Variants in RASAL1 observed in about 807,000 individuals in gnomAD.
RASAL1 encodes RAS protein activator like 1, also known as rasGAP-activating-like protein 1.
A neutral mutation model predicts 96.6 loss-of-function variants in RASAL1; 72 were observed. That is an observed-to-expected ratio of 0.75 (90% CI 0.62 to 0.91). The LOEUF (loss-of-function observed/expected upper bound fraction) is 0.91. Ranked by LOEUF, RASAL1 falls within the 40% of genes least tolerant of loss-of-function variation. The pLI is 0.00. For missense variants in RASAL1, 1,016 were observed against 1,072.5 expected (o/e 0.95, Z 0.74); for synonymous variants, 405 against 430.4 (o/e 0.94, Z 0.73).
intron 4 of RASAL1, among the ~76,000 whole-genome samples, chr12:113,124,585 G>A (rs1951415591): frequency 6.6e-6 from 1 of 152,222 alleles, no homozygotes; most frequent in African/African-American, 2.4e-5. Context: ...GGCAGATTAA[G>A]AGCACAGATT....
chr12:113,128,918 A>C (rs1951595711), intron 2 of RASAL1, among the ~76,000 whole-genome samples: 1 of 151,912 alleles, frequency 6.6e-6, no homozygotes, highest in Non-Finnish European at 1.5e-5. Context: ...TTACAATGAT[A>C]CAAGGCAGGT....
intron 1 of RASAL1, among the ~76,000 whole-genome samples, chr12:113,131,229 A>C (rs1189140192): frequency 1.2e-5 from 1 of 85,022 alleles, no homozygotes; most frequent in African/African-American, 4.7e-5. Context: ...AGCCCAAAGC[A>C]GAGGCCCAGA....
chr12:113,111,053 C>T (rs1243478874), intron 13 of RASAL1, among the ~76,000 whole-genome samples: 1 of 152,278 alleles, frequency 6.6e-6, no homozygotes, highest in East Asian at 1.9e-4. Flanking sequence ...CTGGGGGCTT[C>T]AGTTGGCCAC....
chr12:113,126,802 CA>C (rs1310603650), intron 4 of RASAL1, among the ~76,000 whole-genome samples: 1 of 151,716 alleles, frequency 6.6e-6, no homozygotes, highest in African/African-American at 2.4e-5. Context: ...TGATCTTGAG[CA>C]AGTCATTTAA....
chr12:113,119,705 A>T (rs752643182), intron 5 of RASAL1, among the ~76,000 whole-genome samples: 3 of 152,128 alleles, frequency 2.0e-5, no homozygotes, highest in African/African-American at 4.8e-5. Flanking sequence ...TACATCACAA[A>T]GCCCAGCAAG....
In RASAL1 at chr12:113,107,178, G is replaced by T. The variant is rs753259896; in HGVS notation, c.1576C>A (p.Pro526Thr). The T allele has an allele frequency of 1.2e-6, 2 of 1,613,828 alleles. No individual in the cohort carries two copies. The highest frequency in any genetic ancestry group is 3.3e-5 in the Admixed American group (2 of 60,012). ...LGQGKELWMA[P>T]LHPFLLQCVS... ...CACTGCAGCAGGAAGGGGTGCAGGG[G>T]GGCCATCCACAGTTCCTTGCCTTGG... Residue 526 changes from proline (P) to threonine (T), a missense_variant, in exon 15 of 21, where the codon CCC (proline) becomes ACC (threonine). Coordinates refer to ENST00000548055, the MANE Select transcript of RASAL1 (RefSeq NM_001301202.2).
Position 113,130,826 on chromosome 12 carries a change from C to T in RASAL1, c.122+59G>A, listed in dbSNP as rs1951677034. ...AAATGTGAATTCTTGGTCCCAGATT[C>T]CCCAGGTCTAGAAAGAGACCCCTCC... On this transcript the variant is annotated intron_variant, in intron 2 of 20. Coordinates refer to ENST00000548055, the MANE Select transcript of RASAL1 (RefSeq NM_001301202.2). This position sits in a 1 kb window ranked among gnomAD's most constrained non-coding sequence, Gnocchi z 5.1. 1.4e-6 allele frequency: 2 copies of T among 1,411,704 alleles called. No homozygotes were observed. The highest frequency in any genetic ancestry group is 2.8e-5 in the African/African-American group (2 of 70,524). 87.4% of individuals were successfully genotyped at this position (1,411,704 alleles called of 1,614,324 possible).
intron 14 of RASAL1, chr12:113,107,524 G>A: frequency 1.8e-6 from 1 of 551,316 alleles, no homozygotes; most frequent in Non-Finnish European, 3.4e-6. Context: ...TCCAGAAGCT[G>A]AGGTGGGAAG....
chr12:113,131,766 G>A (rs1951719253), intron 1 of RASAL1, among the ~76,000 whole-genome samples: 1 of 152,004 alleles, frequency 6.6e-6, no homozygotes, highest in Non-Finnish European at 1.5e-5. Flanking sequence ...TCTTTCATCA[G>A]GCCCCAGGCC....
In RASAL1 at chr12:113,116,045, G is replaced by A. The variant is rs1308997953; in HGVS notation, c.738C>T (p.Asn246=). The change falls in exon 9 of 21, where the codon AAC becomes AAT. Residue 246 remains asparagine (N), a synonymous_variant. Transcript: ENST00000548055. The stretch of plus-strand genomic sequence containing the variant: ...GTACCTTCACTCGCAGGGCACCCAG[G>A]TTCCCCCTGTCCAGGATCAGATCAT... ...FPRAEEDSGG[N]LGALRVKVRL... 2 of 1,585,296 alleles carry A rather than the reference G, an allele frequency of 1.3e-6. No individual in the cohort carries two copies. Among genetic ancestry groups the A allele is most frequent in the Admixed American group, 1.8e-5 (1 of 55,588 alleles).
At position 113,115,545 on chromosome 12, in the gene RASAL1, CT is replaced by C. The variant is rs1013471485; in HGVS notation, c.1003+89del. The C allele has an allele frequency of 2.8e-5, 42 of 1,497,612 alleles. No homozygotes were observed. The Admixed American group carries it at 7.3e-4, about 26-fold the overall frequency. 92.8% of individuals were successfully genotyped at this position (1,497,612 alleles called of 1,614,324 possible). On this transcript the variant is annotated intron_variant, in intron 10 of 20. Coordinates refer to ENST00000548055, the MANE Select transcript of RASAL1 (RefSeq NM_001301202.2). The surrounding 1 kb of genome is among the most constrained non-coding windows in gnomAD (Gnocchi z 4.1). ...ACAGAAAAAGGAGCCCTTTTTCCCT[CT>C]GCCTGAGGCCTCCCCATTCCTCCCC... is the stretch of plus-strand genomic sequence containing the variant.
At chr12:113,110,010 G>C (rs1396317151) in intron 13 of RASAL1, among the ~76,000 whole-genome samples, 3 of 152,202 alleles carry the variant, frequency 2.0e-5, no homozygotes, top group African/African-American at 7.2e-5. Context: ...GAGGACACTT[G>C]GGTGTCACTG....
intron 7 of RASAL1, among the ~76,000 whole-genome samples, chr12:113,118,133 A>G (rs1384169114): frequency 6.6e-6 from 1 of 152,162 alleles, no homozygotes; most frequent in Non-Finnish European, 1.5e-5. Flanking sequence ...CTGAGGCAAA[A>G]TAATTCCTTG....
At chr12:113,128,353 A>C (rs1275010341) in intron 2 of RASAL1, among the ~76,000 whole-genome samples, 175 bp from the exon 3 acceptor site, 1 of 150,618 alleles carries the variant, frequency 6.6e-6, no homozygotes, top group East Asian at 2.0e-4. Context: ...ACACACACAC[A>C]CCCAAGGACA....
At chr12:113,106,127 G>T (rs114061862) in intron 15 of RASAL1, among the ~76,000 whole-genome samples, 3,099 of 152,282 alleles carry the variant, frequency 0.02, 47 homozygotes, top group African/African-American at 0.044. Context: ...AGAGAAATCT[G>T]CAGACAGTAT....
In RASAL1 at chr12:113,119,130, T is replaced by C. The variant is rs1231612353; in HGVS notation, c.640A>G (p.Met214Val). 1 of 1,605,850 alleles carries C rather than the reference T, an allele frequency of 6.2e-7. No individual in the cohort carries two copies. ...GTATTGTAGGGAATGAGGCTCACCATGCCCAAGAAGTCATTCTTGCCCACC... is the reference window on the plus strand; with the variant it reads ...GTATTGTAGGGAATGAGGCTCACCACGCCCAAGAAGTCATTCTTGCCCACC... ...DMVGKNDFLG[M>V]VEFSPKTLQQ... The change falls in exon 7 of 21, where the codon ATG (methionine) becomes GTG (valine). Residue 214 changes from methionine to valine, a missense_variant and splice_region_variant. Physicochemically the swap from Met to Val is conservative, Grantham distance 21. Transcript: ENST00000548055.
rs1490002695 is a variant in RASAL1 at position 113,135,220 on chromosome 12, C to T, written c.65+178G>A. On this transcript the variant is annotated intron_variant, in intron 1 of 20. Transcript: ENST00000548055. This position sits in a 1 kb window ranked among gnomAD's most constrained non-coding sequence, Gnocchi z 5.7. ...CTAACTCTAGGCGCCCCCCTCCCAC[C>T]GGGACAGCCATGGGCATGCGGCCTC... is the stretch of plus-strand genomic sequence containing the variant. Among the ~76,000 whole-genome samples the T allele has an allele frequency of 6.6e-6, 1 of 152,116 alleles. No homozygotes were observed. Among genetic ancestry groups the T allele is most frequent in the Non-Finnish European group, 1.5e-5 (1 of 68,008 alleles).
At chr12:113,128,284 G>A (rs1167034554) in intron 2 of RASAL1, 106 bp from the exon 3 acceptor site, 9 of 624,722 alleles carry the variant, frequency 1.4e-5, no homozygotes, top group South Asian at 3.6e-5. Context: ...ACACACACGG[G>A]AATCCAGACA....
intron 20 of RASAL1, 25 bp from the exon 21 acceptor site, chr12:113,100,093 G>A: frequency 1.3e-6 from 2 of 1,575,718 alleles, no homozygotes; most frequent in Non-Finnish European, 1.7e-6. Context: ...AGAGGCCACA[G>A]GGGCTCAGCC....
Sources: gnomAD v4.1 joint callset for allele counts (sites outside exome capture counted in the v4.1 genomes callset) on GRCh38, gnomAD v4.1.1 for gene constraint, Gnocchi (gnomAD v3.1) non-coding constraint, MANE v1.5 for transcripts, NCBI Gene and HGNC (gene_info 2026-07-23, HGNC 2026-07-21) for gene names.